SPOCK1: variants seen among roughly 807,000 people sequenced by gnomAD.
SPOCK1 encodes SPARC (osteonectin), cwcv and kazal like domains proteoglycan 1.
In SPOCK1, 23 loss-of-function variants were observed where a neutral mutation model predicts 55.3. The ratio of observed to expected loss-of-function variants is 0.42; its 90% CI spans 0.30 to 0.59. The LOEUF is 0.59. SPOCK1 is among the 20% of genes least tolerant of loss of function. The probability of loss-of-function intolerance (pLI) is 0.22; values close to 1 mark genes in which losing one functional copy is unlikely to be tolerated. For synonymous variants in SPOCK1, 226 were observed against 221.0 expected, an observed-to-expected ratio of 1.02 and a Z score of -0.20; for missense variants, 499 against 552.5, an observed-to-expected ratio of 0.90 and a Z score of 0.97.
intron 3 of SPOCK1, among the ~76,000 whole-genome samples, chr5:137,242,160 G>A (rs1352587635): frequency 6.6e-6 from 1 of 152,180 alleles, no homozygotes; most frequent in East Asian, 1.9e-4. Context: ...TTGAGCTCCT[G>A]AGTTCAAGAC....
At chr5:137,045,242 T>C (rs1752087898) in intron 6 of SPOCK1, among the ~76,000 whole-genome samples, 2 of 130,504 alleles carry the variant, frequency 1.5e-5, no homozygotes, top group African/African-American at 5.9e-5. Context: ...ATGGTTGAAC[T>C]AGTTTACAGT....
intron 3 of SPOCK1, among the ~76,000 whole-genome samples, chr5:137,186,738 G>A (rs926805826): frequency 1.8e-4 from 27 of 152,166 alleles, no homozygotes; most frequent in Admixed American, 1.8e-3. Flanking sequence ...TCCAGCCTGG[G>A]AGGCACAAGG....
intron 3 of SPOCK1, among the ~76,000 whole-genome samples, chr5:137,142,304 A>G (rs1754115561): frequency 6.6e-6 from 1 of 152,320 alleles, no homozygotes. Flanking sequence ...AGAGGACATC[A>G]CTGTTCCTCT....
intron 3 of SPOCK1, among the ~76,000 whole-genome samples, chr5:137,170,142 T>C (rs902166894): frequency 3.9e-5 from 6 of 152,236 alleles, no homozygotes; most frequent in Admixed American, 1.3e-4. Context: ...ACCTCCATAA[T>C]CCACCTGTTT....
intron 3 of SPOCK1, among the ~76,000 whole-genome samples, chr5:137,242,112 A>G (rs1291463095): frequency 5.3e-5 from 8 of 152,216 alleles, no homozygotes; most frequent in Admixed American, 5.2e-4. Context: ...TCCCACCTGT[A>G]ATCCCAGCAC....
chr5:137,284,693 T>C (rs1446072572), intron 2 of SPOCK1, among the ~76,000 whole-genome samples: 1 of 152,172 alleles, frequency 6.6e-6, no homozygotes, highest in Non-Finnish European at 1.5e-5. Flanking sequence ...TTGTGGAGTG[T>C]GTGAGGTAAG....
At chr5:137,100,049 G>T (rs898426420) in intron 5 of SPOCK1, among the ~76,000 whole-genome samples, 2 of 152,126 alleles carry the variant, frequency 1.3e-5, no homozygotes, top group African/African-American at 4.8e-5. Flanking sequence ...AGAGTTTTCA[G>T]GGACTCTAGT....
intron 3 of SPOCK1, among the ~76,000 whole-genome samples, chr5:137,144,292 G>A (rs1398551105): frequency 1.3e-5 from 2 of 152,012 alleles, no homozygotes; most frequent in Non-Finnish European, 2.9e-5. Context: ...AACTCCTGTA[G>A]ACCACCCTCC....
At chr5:137,079,533 T>TCCCC (rs59775905) in intron 5 of SPOCK1, among the ~76,000 whole-genome samples, 1 of 38,606 alleles carries the variant, frequency 2.6e-5, no homozygotes, top group Non-Finnish European at 8.6e-5. Flanking sequence ...CCCATCTGAT[T>TCCCC]CCCCCCCCCC....
At chr5:137,110,214 G>C (rs780321788) in intron 5 of SPOCK1, among the ~76,000 whole-genome samples, 3 of 152,096 alleles carry the variant, frequency 2.0e-5, no homozygotes, top group Non-Finnish European at 2.9e-5. Context: ...CTCCTTCTTC[G>C]GATATGTGGA....
chr5:137,446,045 T>C (rs1206763603), intron 2 of SPOCK1, among the ~76,000 whole-genome samples: 1 of 152,120 alleles, frequency 6.6e-6, no homozygotes, highest in Admixed American at 6.5e-5. Context: ...GAAGTTGAAA[T>C]TAAAGCTCTC....
intron 5 of SPOCK1, among the ~76,000 whole-genome samples, chr5:137,106,400 A>C (rs1753368260): frequency 1.3e-5 from 2 of 152,188 alleles, no homozygotes; most frequent in African/African-American, 4.8e-5. Context: ...ATAACAGAAA[A>C]GAAAGGAAAG....
intron 5 of SPOCK1, among the ~76,000 whole-genome samples, chr5:137,069,534 G>A (rs1451419141): frequency 6.6e-6 from 1 of 152,240 alleles, no homozygotes; most frequent in Non-Finnish European, 1.5e-5. Flanking sequence ...TAGGGATGGG[G>A]CACGAAAGAG....
intron 2 of SPOCK1, among the ~76,000 whole-genome samples, chr5:137,392,416 T>C (rs959321949): frequency 6.6e-6 from 1 of 152,244 alleles, no homozygotes; most frequent in African/African-American, 2.4e-5. Flanking sequence ...CAGTTATTTC[T>C]ATAACTTATC....
intron 2 of SPOCK1, among the ~76,000 whole-genome samples, chr5:137,434,676 T>A (rs1752821453): frequency 6.6e-6 from 1 of 151,476 alleles, no homozygotes; most frequent in Non-Finnish European, 1.5e-5. Flanking sequence ...ATTTTTTTTT[T>A]ATTTTTAGTA....
At chr5:137,362,916 A>T (rs1750981725) in intron 2 of SPOCK1, among the ~76,000 whole-genome samples, 1 of 152,222 alleles carries the variant, frequency 6.6e-6, no homozygotes, top group South Asian at 2.1e-4. Context: ...ACTGAGACTC[A>T]GGAAGATTAA....
chr5:137,267,921 T>A (rs1029442016), intron 2 of SPOCK1, among the ~76,000 whole-genome samples: 1 of 152,224 alleles, frequency 6.6e-6, no homozygotes, highest in Non-Finnish European at 1.5e-5. Flanking sequence ...CCTCATAGCA[T>A]CTTTAAGGAT....
At chr5:137,342,252 C>G (rs1333360394) in intron 2 of SPOCK1, among the ~76,000 whole-genome samples, 1 of 152,086 alleles carries the variant, frequency 6.6e-6, no homozygotes, top group Admixed American at 6.6e-5. Flanking sequence ...CCTGATGCAC[C>G]AATACAGAAC....
intron 4 of SPOCK1, among the ~76,000 whole-genome samples, chr5:137,128,989 G>C (rs1489999107): frequency 6.6e-6 from 1 of 152,152 alleles, no homozygotes; most frequent in Non-Finnish European, 1.5e-5. Context: ...TGGTACAAAA[G>C]TCTGCTTTAA....
Sources: gnomAD v4.1 joint callset for allele counts (sites outside exome capture counted in the v4.1 genomes callset) on GRCh38, gnomAD v4.1.1 for gene constraint, MANE v1.5 for transcripts, NCBI Gene and HGNC (gene_info 2026-07-23, HGNC 2026-07-21) for gene names.